The following CDH12 variants were observed in gnomAD, a reference collection of about 807,000 sequenced individuals.
CDH12 encodes the protein cadherin-12.
CDH12 carries 41 observed loss-of-function variants against 74.1 expected under a neutral mutation model. The ratio of observed to expected loss-of-function variants is 0.55; its 90% CI spans 0.43 to 0.72. The LOEUF (loss-of-function observed/expected upper bound fraction) is 0.72. Ranked by LOEUF, CDH12 falls within the 30% of genes least tolerant of loss-of-function variation. CDH12 has a pLI of 0.00. For synonymous variants in CDH12, 399 were observed against 355.0 expected (o/e 1.12, Z -1.39); for missense variants, 945 against 977.2 (o/e 0.97, Z 0.44).
At chr5:22,020,740 G>C (rs777617017) in intron 5 of CDH12, among the ~76,000 whole-genome samples, 2 of 151,476 alleles carry the variant, frequency 1.3e-5, no homozygotes, top group Non-Finnish European at 2.9e-5. Context: ...CAATTGTATT[G>C]AGTTATCCCC....
chr5:22,570,272 C>T (rs1055211005), intron 1 of CDH12, among the ~76,000 whole-genome samples: 1 of 151,970 alleles, frequency 6.6e-6, no homozygotes, highest in African/African-American at 2.4e-5. Context: ...TGGTCTTGAA[C>T]TCCTGATCTC....
At chr5:21,975,410 G>A in intron 5 of CDH12, 25 bp from the exon 6 acceptor site, 2 of 1,529,484 alleles carry the variant, frequency 1.3e-6, no homozygotes, top group Non-Finnish European at 1.7e-6. Flanking sequence ...AGGAGAGAGA[G>A]AGGAAGAGAA....
chr5:21,837,466 AG>A (rs1429254562), intron 8 of CDH12, among the ~76,000 whole-genome samples: 116 of 124,240 alleles, frequency 9.3e-4, no homozygotes, highest in African/African-American at 4.3e-3. Context: ...ATCTGGAGAA[AG>A]GTTTTTTTTT....
intron 6 of CDH12, among the ~76,000 whole-genome samples, chr5:21,915,953 C>CTTT (rs55809416): frequency 0.74 from 111,038 of 150,588 alleles, 43,645 homozygotes; most frequent in East Asian, 0.93. Flanking sequence ...GGCCTTCATA[C>CTTT]TTTTAATTAG....
At chr5:22,097,515 C>T (rs1743859564) in intron 4 of CDH12, among the ~76,000 whole-genome samples, 1 of 152,160 alleles carries the variant, frequency 6.6e-6, no homozygotes, top group South Asian at 2.1e-4. Context: ...CATCTTTAAA[C>T]TCCCCAACTC....
intron 3 of CDH12, among the ~76,000 whole-genome samples, chr5:22,276,523 T>C (rs902983423): frequency 6.6e-6 from 1 of 152,230 alleles, no homozygotes; most frequent in Non-Finnish European, 1.5e-5. Context: ...GATTTATAAC[T>C]TGAAATGTAC....
intron 13 of CDH12, among the ~76,000 whole-genome samples, chr5:21,757,764 G>A (rs1180042213): frequency 1.4e-5 from 2 of 141,702 alleles, no homozygotes; most frequent in Non-Finnish European, 3.2e-5. Context: ...TCAACACTTG[G>A]GTTTGGTGAA....
At chr5:22,463,057 A>T (rs1055731360) in intron 2 of CDH12, among the ~76,000 whole-genome samples, 1 of 152,204 alleles carries the variant, frequency 6.6e-6, no homozygotes. Flanking sequence ...ATTACAAAAA[A>T]GTTAAAGTGC....
At chr5:22,570,621 T>G (rs1739494920) in intron 1 of CDH12, among the ~76,000 whole-genome samples, 1 of 152,202 alleles carries the variant, frequency 6.6e-6, no homozygotes, top group African/African-American at 2.4e-5. Flanking sequence ...CAGGCTTAGT[T>G]TCCATTTATA....
chr5:22,011,976 G>T (rs1737323170), intron 5 of CDH12, among the ~76,000 whole-genome samples: 1 of 151,806 alleles, frequency 6.6e-6, no homozygotes, highest in African/African-American at 2.4e-5. Flanking sequence ...TGTAATCCTG[G>T]CTGACTTTTA....
intron 1 of CDH12, among the ~76,000 whole-genome samples, chr5:22,850,985 T>C (rs1162035003): frequency 6.6e-6 from 1 of 152,074 alleles, no homozygotes; most frequent in Non-Finnish European, 1.5e-5. Context: ...TTACATGAAA[T>C]AGGCTCTGCC....
At chr5:22,360,184 C>A (rs1740738527) in intron 3 of CDH12, among the ~76,000 whole-genome samples, 1 of 151,762 alleles carries the variant, frequency 6.6e-6, no homozygotes, top group South Asian at 2.1e-4. Flanking sequence ...AGACCACTAG[C>A]AAGACTAATA....
chr5:22,089,706 T>G (rs1743299594), intron 4 of CDH12, among the ~76,000 whole-genome samples: 1 of 151,808 alleles, frequency 6.6e-6, no homozygotes, highest in African/African-American at 2.4e-5. Flanking sequence ...ACATTAAAAA[T>G]CAACTGCAGA....
intron 1 of CDH12, among the ~76,000 whole-genome samples, chr5:22,687,025 GT>G (rs1192896255): frequency 1.3e-5 from 2 of 152,236 alleles, no homozygotes; most frequent in Admixed American, 1.3e-4. Context: ...GCCAGGTGCG[GT>G]GGCTCATGCC....
At chr5:22,189,110 G>T (rs4569840) in intron 4 of CDH12, among the ~76,000 whole-genome samples, 148,784 of 152,206 alleles carry the variant, frequency 0.98, 72,839 homozygotes, top group East Asian at 1. Context: ...AAGATGTATA[G>T]ACATTTCCTG....
At chr5:21,848,609 G>A in intron 7 of CDH12, among the ~76,000 whole-genome samples, 1 of 152,002 alleles carries the variant, frequency 6.6e-6, no homozygotes, top group East Asian at 1.9e-4. Flanking sequence ...GTTCATCATT[G>A]CATTTGTATA....
intron 1 of CDH12, among the ~76,000 whole-genome samples, chr5:22,508,015 T>C (rs1299613323): frequency 6.6e-6 from 1 of 152,230 alleles, no homozygotes; most frequent in Non-Finnish European, 1.5e-5. Flanking sequence ...ATCTTCTGCC[T>C]CTCATTTTTA....
intron 5 of CDH12, among the ~76,000 whole-genome samples, chr5:22,048,272 A>C (rs1740105448): frequency 6.6e-6 from 1 of 152,210 alleles, no homozygotes; most frequent in Non-Finnish European, 1.5e-5. Flanking sequence ...ATGTACAAAG[A>C]CAAAGGCAGG....
chr5:22,389,369 T>A lies in CDH12; in HGVS notation c.-333+15888A>T, dbSNP rs113741409. 3.1e-3 allele frequency among the ~76,000 whole-genome samples: 465 copies of A among 152,300 alleles called. 6 individuals are homozygous for A. The highest frequency in any genetic ancestry group is 0.011 in the African/African-American group (448 of 41,568). The stretch of plus-strand genomic sequence containing the variant: ...AAGCTGACTTAAACAGATTATGGAT[T>A]GTCAAGTTTCATATGTGTGTGTATT... On this transcript the variant is annotated intron_variant, in intron 3 of 14. Transcript: ENST00000382254.
Sources: gnomAD v4.1 joint callset for allele counts (sites outside exome capture counted in the v4.1 genomes callset) on GRCh38, gnomAD v4.1.1 for gene constraint, MANE v1.5 for transcripts, NCBI Gene and HGNC (gene_info 2026-07-23, HGNC 2026-07-21) for gene names.